The following CTNNA2 variants were observed in gnomAD, a reference collection of about 807,000 sequenced individuals.
CTNNA2 encodes the protein catenin alpha-2.
Under a neutral mutation model 101.0 loss-of-function variants are expected in CTNNA2, and 42 were observed. The observed-to-expected ratio is 0.42, with a 90% CI of 0.32 to 0.54. The LOEUF (loss-of-function observed/expected upper bound fraction) is 0.54, where lower values mean the gene tolerates loss of function less well. Among genes scored for constraint, CTNNA2 ranks in the 20% least tolerant of loss-of-function variants. CTNNA2 has a pLI of 0.14. For synonymous variants in CTNNA2, 450 were observed against 456.4 expected, an observed-to-expected ratio of 0.99 and a Z score of 0.18; for missense variants, 871 against 1,223.1, an observed-to-expected ratio of 0.71 and a Z score of 4.29.
At chr2:80,244,453 T>G (rs1399838271) in intron 7 of CTNNA2, among the ~76,000 whole-genome samples, 3 of 152,326 alleles carry the variant, frequency 2.0e-5, no homozygotes, top group East Asian at 3.9e-4. Context: ...GAAGCCTGGT[T>G]CTAGTCAAGC....
chr2:79,396,406 G>A (rs1362254806), intron 4 of CTNNA2, among the ~76,000 whole-genome samples: 3 of 151,974 alleles, frequency 2.0e-5, no homozygotes, highest in Non-Finnish European at 2.9e-5. Context: ...CGATCTGCCC[G>A]CCTCGGCCTC....
At chr2:79,330,856 A>G (rs1008346891) in intron 3 of CTNNA2, among the ~76,000 whole-genome samples, 1 of 152,156 alleles carries the variant, frequency 6.6e-6, no homozygotes, top group African/African-American at 2.4e-5. Context: ...TCTTTCCTTT[A>G]TAAATTACCC....
intron 7 of CTNNA2, among the ~76,000 whole-genome samples, chr2:79,992,558 A>G (rs142526876): frequency 2.0e-5 from 3 of 152,340 alleles, no homozygotes; most frequent in African/African-American, 7.2e-5. Context: ...CTGTGTGAAT[A>G]GTAGCTCAGA....
chr2:79,645,329 T>C (rs1030750333), intron 1 of CTNNA2, among the ~76,000 whole-genome samples: 2 of 152,162 alleles, frequency 1.3e-5, no homozygotes. Flanking sequence ...CTCTACTGTT[T>C]TATACTGCAG....
At chr2:80,589,877 T>C (rs986050187) in intron 15 of CTNNA2, among the ~76,000 whole-genome samples, 8 of 141,616 alleles carry the variant, frequency 5.6e-5, no homozygotes, top group African/African-American at 2.0e-4. Context: ...TGTGTGTGTG[T>C]GTGTGTGTGT....
intron 14 of CTNNA2, among the ~76,000 whole-genome samples, chr2:80,583,632 A>G (rs1695726343): frequency 6.6e-6 from 1 of 152,170 alleles, no homozygotes; most frequent in Non-Finnish European, 1.5e-5. Flanking sequence ...TTAAAGACAA[A>G]GACAGGTTGT....
chr2:79,646,284 G>A (rs1340640839), intron 1 of CTNNA2, among the ~76,000 whole-genome samples: 2 of 152,144 alleles, frequency 1.3e-5, no homozygotes, highest in Admixed American at 6.5e-5. Flanking sequence ...TTATCAGGAC[G>A]CTGTCCAAGG....
Position 80,559,878 on chromosome 2 carries a change from T to TATATCTATATCTATATC in CTNNA2, c.1741+3985_1741+3986insATATCTATATCTATATC, listed in dbSNP as rs1693393440. ...GAAAGCACATTCAGCGATATCATAT[T>TATATCTATATCTATATC]TATATATATATATACACACACATAC... On this transcript the variant is annotated intron_variant, in intron 12 of 18. Coordinates refer to ENST00000402739, the MANE Select transcript of CTNNA2 (RefSeq NM_001282597.3). Among the ~76,000 whole-genome samples the TATATCTATATCTATATC allele has an allele frequency of 6.5e-3, 736 of 114,014 alleles. 16 individuals carry two copies. Among genetic ancestry groups the TATATCTATATCTATATC allele is most frequent in the African/African-American group, 0.02 (659 of 33,130 alleles). 74.8% of individuals were successfully genotyped at this position (114,014 alleles called of 152,430 possible).
intron 7 of CTNNA2, among the ~76,000 whole-genome samples, chr2:79,954,491 A>C (rs920776939): frequency 2.6e-5 from 4 of 152,146 alleles, no homozygotes; most frequent in African/African-American, 9.7e-5. Context: ...CTGTCATATA[A>C]ATGTCTTCCT....
At chr2:79,430,050 G>A in intron 4 of CTNNA2, among the ~76,000 whole-genome samples, 1 of 152,016 alleles carries the variant, frequency 6.6e-6, no homozygotes, top group Non-Finnish European at 1.5e-5. Flanking sequence ...TGCACCAAAG[G>A]AAACAGAAGC....
At chr2:79,628,935 A>G (rs139114281) in intron 1 of CTNNA2, among the ~76,000 whole-genome samples, 2,421 of 152,244 alleles carry the variant, frequency 0.016, 38 homozygotes, top group Non-Finnish European at 0.024. Flanking sequence ...GGCACTGTAC[A>G]CTGTGGAGGA....
Position 79,723,856 on chromosome 2 carries a change from G to T in CTNNA2, c.103-20531G>T, listed in dbSNP as rs537123407. 2.0e-5 allele frequency among the ~76,000 whole-genome samples: 3 copies of T among 152,160 alleles called. No homozygotes were observed. The South Asian group carries it at 6.2e-4, about 32-fold the overall frequency. On this transcript the variant is annotated intron_variant, in intron 2 of 18. Coordinates refer to ENST00000402739, the MANE Select transcript of CTNNA2 (RefSeq NM_001282597.3). ...GTTTGTCTCTATACTAATTCCTAAG[G>T]GAATGAGGCCTGAAGGCCAGTTGCA... is the stretch of plus-strand genomic sequence containing the variant.
At chr2:79,300,382 G>C (rs1280288058) in intron 2 of CTNNA2, among the ~76,000 whole-genome samples, 1 of 152,112 alleles carries the variant, frequency 6.6e-6, no homozygotes, top group African/African-American at 2.4e-5. Context: ...CCATTGTATA[G>C]ATATGGAAAT....
chr2:79,777,327 A>ATGTGTGTGTGTGTGTG (rs67347678), intron 3 of CTNNA2, among the ~76,000 whole-genome samples: 2 of 139,574 alleles, frequency 1.4e-5, no homozygotes, highest in South Asian at 4.8e-4. Flanking sequence ...AACACTTGTT[A>ATGTGTGTGTGTGTGTG]TGTGTGTGTG....
intron 4 of CTNNA2, among the ~76,000 whole-genome samples, chr2:79,446,866 T>C (rs984002354): frequency 9.2e-5 from 14 of 152,220 alleles, no homozygotes; most frequent in African/African-American, 3.1e-4. Flanking sequence ...TGGATAGTGC[T>C]GTTTGGTTTC....
At chr2:80,605,703 T>C (rs1252605620) in intron 16 of CTNNA2, 3 of 151,950 alleles carry the variant, frequency 2.0e-5, no homozygotes, top group Non-Finnish European at 4.4e-5. Context: ...CCCTCATGAT[T>C]TTACTATCAG....
intron 12 of CTNNA2, among the ~76,000 whole-genome samples, chr2:80,573,518 C>A (rs1032913888): frequency 1.3e-5 from 2 of 152,076 alleles, no homozygotes; most frequent in Non-Finnish European, 2.9e-5. Flanking sequence ...CACTCCTTCC[C>A]CATCTTCCCT....
chr2:80,569,314 T>C (rs2149691552), intron 12 of CTNNA2, among the ~76,000 whole-genome samples: 1 of 152,310 alleles, frequency 6.6e-6, no homozygotes, highest in Non-Finnish European at 1.5e-5. Flanking sequence ...GCCTAGTGTG[T>C]GCGCTGCATA....
intron 4 of CTNNA2, among the ~76,000 whole-genome samples, chr2:79,425,226 A>G (rs13409453): frequency 0.024 from 3,610 of 152,236 alleles, 133 homozygotes; most frequent in African/African-American, 0.077. Flanking sequence ...GGATGATTCA[A>G]AGGCCCCAAA....
Sources: gnomAD v4.1 joint callset for allele counts (sites outside exome capture counted in the v4.1 genomes callset) on GRCh38, gnomAD v4.1.1 for gene constraint, MANE v1.5 for transcripts, NCBI Gene and HGNC (gene_info 2026-07-23, HGNC 2026-07-21) for gene names.